The following CSGALNACT1 variants were observed in gnomAD, a reference collection of about 807,000 sequenced individuals.
CSGALNACT1 encodes chondroitin sulfate N-acetylgalactosaminyltransferase 1, also known as beta4GalNAcT-1.
A neutral mutation model predicts 51.0 loss-of-function variants in CSGALNACT1; 52 were observed. The ratio of observed to expected loss-of-function variants is 1.02; its 90% confidence interval spans 0.82 to 1.29. The LOEUF is 1.29. Among genes scored for constraint, CSGALNACT1 ranks in the 50% most tolerant of loss-of-function variants. The probability of loss-of-function intolerance (pLI) is 0.00; values close to 1 mark genes in which losing one functional copy is unlikely to be tolerated. For missense variants in CSGALNACT1, 935 were observed against 679.2 expected, an observed-to-expected ratio of 1.38 and a Z score of -4.19; for synonymous variants, 341 against 254.4, an observed-to-expected ratio of 1.34 and a Z score of -3.24.
intron 1 of CSGALNACT1, among the ~76,000 whole-genome samples, chr8:19,679,728 G>T (rs529641079): frequency 7.9e-5 from 12 of 152,262 alleles, no homozygotes; most frequent in Admixed American, 3.3e-4. Context: ...AACAGGTGCT[G>T]GTGCCCAAAT....
At chr8:19,439,605 C>A (rs1253045782) in intron 6 of CSGALNACT1, among the ~76,000 whole-genome samples, 1 of 152,218 alleles carries the variant, frequency 6.6e-6, no homozygotes, top group African/African-American at 2.4e-5. Context: ...AGTTTATCTC[C>A]AATGTCAAAG....
At chr8:19,510,500 C>T (rs931452943) in intron 3 of CSGALNACT1, among the ~76,000 whole-genome samples, 2 of 152,148 alleles carry the variant, frequency 1.3e-5, no homozygotes, top group Non-Finnish European at 2.9e-5. Context: ...ATGTTCAATG[C>T]ACTGTATAAA....
intron 3 of CSGALNACT1, among the ~76,000 whole-genome samples, chr8:19,580,317 C>A (rs2045285413): frequency 6.6e-6 from 1 of 152,206 alleles, no homozygotes; most frequent in Non-Finnish European, 1.5e-5. Context: ...AAACAGAAAG[C>A]TTCTGCTAAG....
chr8:19,750,789 G>A (rs1255006778), intron 1 of CSGALNACT1, among the ~76,000 whole-genome samples: 2 of 152,144 alleles, frequency 1.3e-5, no homozygotes, highest in African/African-American at 4.8e-5. Flanking sequence ...GCATAAAAAT[G>A]TTTGATAGAT....
At chr8:19,504,059 T>C (rs1266835255) in intron 4 of CSGALNACT1, among the ~76,000 whole-genome samples, 1 of 152,158 alleles carries the variant, frequency 6.6e-6, no homozygotes, top group Non-Finnish European at 1.5e-5. Context: ...TGGACACAGC[T>C]ATATTTCTGG....
chr8:19,586,238 A>G (rs1249027482), intron 3 of CSGALNACT1, among the ~76,000 whole-genome samples: 1 of 151,950 alleles, frequency 6.6e-6, no homozygotes, highest in African/African-American at 2.4e-5. Flanking sequence ...TGGTGAGTGT[A>G]ATCCCAGCTA....
At chr8:19,562,852 T>C (rs1431083035) in intron 3 of CSGALNACT1, among the ~76,000 whole-genome samples, 3 of 152,196 alleles carry the variant, frequency 2.0e-5, no homozygotes, top group East Asian at 1.9e-4. Context: ...AGTTCAACCA[T>C]TGTGGATGAC....
At chr8:19,518,620 G>C (rs955972256) in intron 3 of CSGALNACT1, among the ~76,000 whole-genome samples, 1 of 152,192 alleles carries the variant, frequency 6.6e-6, no homozygotes, top group South Asian at 2.1e-4. Context: ...TGTAGAGAGA[G>C]CAGTTTCTCT....
At chr8:19,591,820 T>C (rs2047886403) in intron 2 of CSGALNACT1, among the ~76,000 whole-genome samples, 1 of 152,016 alleles carries the variant, frequency 6.6e-6, no homozygotes, top group African/African-American at 2.4e-5. Context: ...TTCTTATTAG[T>C]TTTAGGGAGA....
intron 1 of CSGALNACT1, among the ~76,000 whole-genome samples, chr8:19,720,774 C>T (rs891864055): frequency 1.3e-5 from 2 of 152,216 alleles, no homozygotes; most frequent in African/African-American, 2.4e-5. Flanking sequence ...GCTGCTGGCT[C>T]ATGCCCAAGA....
chr8:19,618,137 C>G (rs377148121), intron 1 of CSGALNACT1, among the ~76,000 whole-genome samples: 2 of 152,232 alleles, frequency 1.3e-5, no homozygotes, highest in South Asian at 2.1e-4. Context: ...CCTCACCCCC[C>G]CGACAAAGCA....
intron 1 of CSGALNACT1, among the ~76,000 whole-genome samples, chr8:19,657,554 G>A (rs557277539): frequency 6.6e-6 from 1 of 152,090 alleles, no homozygotes; most frequent in Admixed American, 6.6e-5. Flanking sequence ...ATCTTTAAAG[G>A]AACAACAGCC....
chr8:19,677,535 A>G (rs1265248747), intron 1 of CSGALNACT1, among the ~76,000 whole-genome samples: 1 of 152,224 alleles, frequency 6.6e-6, no homozygotes, highest in African/African-American at 2.4e-5. Context: ...AGTAAGTGAG[A>G]AGGACAGGAG....
rs2077829249 is a variant in CSGALNACT1 at position 19,508,635 on chromosome 8, C to T, written c.-296-2505G>A. Among the ~76,000 whole-genome samples, 3 of 152,190 alleles carry T rather than the reference C, an allele frequency of 2.0e-5. No individual in the cohort carries two copies. In the South Asian group the frequency reaches 6.2e-4, roughly 32 times the overall value. ...TTACCAGTGAAGACATGTTATCGTG[C>T]TATTCTGCCACTTTCAACACTCCTA... On this transcript the variant is annotated intron_variant, in intron 3 of 9. Coordinates refer to ENST00000454498, the Ensembl canonical transcript of CSGALNACT1.
intron 1 of CSGALNACT1, among the ~76,000 whole-genome samples, chr8:19,753,493 G>A (rs2065170842): frequency 6.6e-6 from 1 of 152,146 alleles, no homozygotes; most frequent in African/African-American, 2.4e-5. Flanking sequence ...CCTACAATGG[G>A]CTAAACTTTT....
intron 3 of CSGALNACT1, among the ~76,000 whole-genome samples, chr8:19,578,313 G>C (rs977623432): frequency 7.2e-5 from 11 of 152,142 alleles, no homozygotes; most frequent in Non-Finnish European, 1.3e-4. Flanking sequence ...AGGACTTTAG[G>C]ATGGCTCACT....
chr8:19,695,383 G>A (rs2154217843), intron 1 of CSGALNACT1, among the ~76,000 whole-genome samples: 1 of 152,188 alleles, frequency 6.6e-6, no homozygotes, highest in Admixed American at 6.5e-5. Context: ...CTCATCCTGG[G>A]TCTTATCTCT....
At chr8:19,451,373 T>C (rs2063155104) in intron 5 of CSGALNACT1, among the ~76,000 whole-genome samples, 2 of 152,358 alleles carry the variant, frequency 1.3e-5, no homozygotes, top group South Asian at 2.1e-4. Flanking sequence ...TCCTTGTTCA[T>C]TGAACTTTAT....
chr8:19,674,295 A>C (rs564459010), intron 1 of CSGALNACT1, among the ~76,000 whole-genome samples: 1 of 152,268 alleles, frequency 6.6e-6, no homozygotes, highest in African/African-American at 2.4e-5. Flanking sequence ...TGTGTCTCAA[A>C]AAAAAAAATT....
Sources: gnomAD v4.1 joint callset for allele counts (sites outside exome capture counted in the v4.1 genomes callset) on GRCh38, gnomAD v4.1.1 for gene constraint, MANE v1.5 for transcripts, NCBI Gene and HGNC (gene_info 2026-07-23, HGNC 2026-07-21) for gene names.